The following HMGA1 variants were observed in gnomAD, a reference collection of about 807,000 sequenced individuals.
The protein encoded by HMGA1 is high mobility group protein HMG-I/HMG-Y.
Under a neutral mutation model 15.1 loss-of-function variants are expected in HMGA1, and 1 was observed. That is an observed-to-expected ratio of 0.07 (90% CI 0.02 to 0.31). HMGA1 has a LOEUF of 0.31. HMGA1 is among the 10% of genes least tolerant of loss of function. The pLI is 1.00. For missense variants in HMGA1, 94 were observed against 141.4 expected, an observed-to-expected ratio of 0.66 and a Z score of 1.70; for synonymous variants, 56 against 54.8, an observed-to-expected ratio of 1.02 and a Z score of -0.10.
chr6:34,242,936 G>A, intron 4 of HMGA1, 141 bp downstream of exon 4: 3 of 710,200 alleles, frequency 4.2e-6, no homozygotes, highest in Non-Finnish European at 7.7e-6. Flanking sequence ...TACAGGGATG[G>A]CAGTGAGTCT....
Position 34,242,478 on chromosome 6 carries a change from C to T in HMGA1, c.136-234C>T, listed in dbSNP as rs920703908. ...ATGCCTTTCCTAGGGGTCTTCTGGG[C>T]TCTTGTCATTTTGCATCTTAGAAAC... is the stretch of plus-strand genomic sequence containing the variant. On this transcript the variant is annotated intron_variant, in intron 3 of 5. Coordinates refer to ENST00000311487, the MANE Select transcript of HMGA1 (RefSeq NM_145899.3). Among the ~76,000 whole-genome samples, 5 of 152,168 alleles carry T rather than the reference C, an allele frequency of 3.3e-5. No homozygotes were observed. In the South Asian group the frequency reaches 1.0e-3, roughly 32 times the overall value.
chr6:34,243,839 C>T lies in HMGA1; in HGVS notation c.270+321C>T, dbSNP rs564425680. Among the ~76,000 whole-genome samples the T allele has an allele frequency of 8.1e-4, 123 of 152,214 alleles. 4 individuals carry two copies. Among genetic ancestry groups the T allele is most frequent in the Non-Finnish European group, 3.2e-4 (22 of 67,994 alleles). On this transcript the variant is annotated intron_variant, in intron 5 of 5. Transcript: ENST00000311487. ...CTTGGAAGTCATCTAGCCTGTGTCC[C>T]CCTCAATTAGAGATGAGGAAAGGAA...
At chr6:34,240,389 C>G (rs765413225) in intron 2 of HMGA1, among the ~76,000 whole-genome samples, 28 of 152,186 alleles carry the variant, frequency 1.8e-4, no homozygotes, top group Admixed American at 4.6e-4. Flanking sequence ...TCAGATCTCA[C>G]CTCCCCACAC....
At chr6:34,240,999 T>G in intron 3 of HMGA1, 84 bp downstream of exon 3, 4 of 1,479,994 alleles carry the variant, frequency 2.7e-6, no homozygotes, top group Non-Finnish European at 3.8e-6. Flanking sequence ...GGCGAGACCA[T>G]GCATGGAGGG....
At chr6:34,244,142 C>G (rs528778519) in intron 5 of HMGA1, among the ~76,000 whole-genome samples, 2 of 146,548 alleles carry the variant, frequency 1.4e-5, no homozygotes, top group East Asian at 4.5e-4. Context: ...ATCCCTGAAG[C>G]TGTCATTCCT....
At chr6:34,242,054 C>T (rs114476612) in intron 3 of HMGA1, among the ~76,000 whole-genome samples, 4,134 of 152,322 alleles carry the variant, frequency 0.027, 80 homozygotes, top group Non-Finnish European at 0.042. Flanking sequence ...CCCTAGGAAA[C>T]AGTAGCTGGC....
At chr6:34,244,716 T>A (rs2127547614) in intron 5 of HMGA1, 115 bp from the exon 6 acceptor site, 2 of 835,816 alleles carry the variant, frequency 2.4e-6, no homozygotes, top group East Asian at 5.3e-5. Flanking sequence ...CACTCAGCCC[T>A]GACTCATCCC....
chr6:34,241,579 A>T (rs146556933), intron 3 of HMGA1, among the ~76,000 whole-genome samples: 1 of 152,206 alleles, frequency 6.6e-6, no homozygotes, highest in Non-Finnish European at 1.5e-5. Context: ...CTCTCCCCAC[A>T]AAGTCCTCAT....
intron 4 of HMGA1, among the ~76,000 whole-genome samples, chr6:34,243,243 T>C (rs1416503382): frequency 6.6e-6 from 1 of 152,034 alleles, no homozygotes; most frequent in Non-Finnish European, 1.5e-5. Flanking sequence ...ACACGACTCA[T>C]ATCCTCTGAG....
intron 2 of HMGA1, among the ~76,000 whole-genome samples, chr6:34,238,578 A>G (rs1260954008): frequency 6.6e-6 from 1 of 152,202 alleles, no homozygotes. Flanking sequence ...TGAGGAGCAC[A>G]GTTTGCATGC....
In HMGA1 at chr6:34,242,824, G is replaced by A. The variant is rs991541633; in HGVS notation, c.219+29G>A. On this transcript the variant is annotated intron_variant, in intron 4 of 5. Transcript: ENST00000311487. ...AGACTTGAGATGGGACTACCCCTGGGTGGATGACTAGCAGAGGATCCTCTT... is the reference window on the plus strand; with the variant it reads ...AGACTTGAGATGGGACTACCCCTGGATGGATGACTAGCAGAGGATCCTCTT... 6.0e-6 allele frequency: 9 copies of A among 1,510,040 alleles called. No homozygotes were observed. The African/African-American group carries it at 9.7e-5, about 16-fold the overall frequency. 93.5% of individuals were successfully genotyped at this position (1,510,040 alleles called of 1,614,324 possible). A position where few individuals can be genotyped will look rare whatever the true frequency, so the allele number is the denominator to read the frequency against.
chr6:34,244,947 C>A lies in HMGA1; in HGVS notation c.*63C>A. The A allele has an allele frequency of 6.5e-7, 1 of 1,547,836 alleles. No individual in the cohort carries two copies. Among genetic ancestry groups the A allele is most frequent in the Non-Finnish European group, 8.7e-7 (1 of 1,145,612 alleles). On this transcript the variant is annotated 3_prime_UTR_variant, in exon 6 of 6. Transcript: ENST00000311487. The stretch of plus-strand genomic sequence containing the variant: ...TTCCTTCTGGGACTGGACAGCTTTG[C>A]TCCGCTCCCACCGCCCCCACCCCTT...
Position 34,245,483 on chromosome 6 carries a change from C to T in HMGA1, c.*599C>T. 3.6e-6 allele frequency: 5 copies of T among 1,381,266 alleles called. No individual in the cohort carries two copies. The highest frequency in any genetic ancestry group is 1.2e-5 in the South Asian group (1 of 81,714). 85.6% of individuals were successfully genotyped at this position (1,381,266 alleles called of 1,614,324 possible). A position where few individuals can be genotyped will look rare whatever the true frequency, so the allele number is the denominator to read the frequency against. ...TCACTTTTCATCCTTCCCCAACTTC[C>T]CTAGTCCCCGTACTAGGTTGGACAG... On this transcript the variant is annotated 3_prime_UTR_variant, in exon 6 of 6. Transcript: ENST00000311487.
At chr6:34,238,054 C>G (rs889065486) in intron 2 of HMGA1, among the ~76,000 whole-genome samples, 1 of 152,144 alleles carries the variant, frequency 6.6e-6, no homozygotes, top group Non-Finnish European at 1.5e-5. Context: ...TTATTTTCTT[C>G]TGGGGCTTTA....
Position 34,244,773 on chromosome 6 carries a change from T to G in HMGA1, c.271-58T>G, listed in dbSNP as rs527473054. On this transcript the variant is annotated intron_variant, in intron 5 of 5. Coordinates refer to ENST00000311487, the MANE Select transcript of HMGA1 (RefSeq NM_145899.3). ...GCAGGGAGCGGGTGGGGCCAGCCTC[T>G]GGGGGTGGAAGAGGGGGACCGGGCC... 92 of 1,454,802 alleles carry G rather than the reference T, an allele frequency of 6.3e-5. No homozygotes were observed. In the Admixed American group the frequency reaches 8.6e-4, roughly 14 times the overall value. 90.1% of individuals were successfully genotyped at this position (1,454,802 alleles called of 1,614,324 possible).
rs1283978364 is a variant in HMGA1 at position 34,245,162 on chromosome 6, G to A, written c.*278G>A. 6.8e-7 allele frequency: 1 copy of A among 1,462,982 alleles called. No individual in the cohort carries two copies. The highest frequency in any genetic ancestry group is 1.2e-5 in the South Asian group (1 of 82,486). The allele number at this position is 1,462,982 out of a possible 1,614,324, so 90.6% of individuals were successfully genotyped here. A position where few individuals can be genotyped will look rare whatever the true frequency, so the allele number is the denominator to read the frequency against. On this transcript the variant is annotated 3_prime_UTR_variant, in exon 6 of 6. Coordinates refer to ENST00000311487, the MANE Select transcript of HMGA1 (RefSeq NM_145899.3). ...CATACACACATGCCCTCCTGGACAA[G>A]GCTAACATCCCACTTAGCCGCACCC...
chr6:34,242,667 G>T, intron 3 of HMGA1, 45 bp from the exon 4 acceptor site: 1 of 1,371,160 alleles, frequency 7.3e-7, no homozygotes, highest in South Asian at 1.2e-5. Context: ...TGAGGGGGTG[G>T]AAACAGGTGA....
Position 34,240,776 on chromosome 6 carries a change from G to A in HMGA1, c.-5G>A, listed in dbSNP as rs775354676. On this transcript the variant is annotated 5_prime_UTR_variant, in exon 3 of 6. Transcript: ENST00000311487. ...CTCTTCCACCTGCTCCTTAGAGAAG[G>A]GAAGATGAGTGAGTCGAGCTCGAAG... The A allele has an allele frequency of 3.7e-6, 6 of 1,612,240 alleles. 1 individual carries two copies. The highest frequency in any genetic ancestry group is 3.3e-5 in the Admixed American group (2 of 59,986).
chr6:34,242,939 G>A (rs1762418860), intron 4 of HMGA1, 144 bp downstream of exon 4: 1 of 706,282 alleles, frequency 1.4e-6, no homozygotes, highest in East Asian at 2.8e-5. Context: ...AGGGATGGCA[G>A]TGAGTCTTTG....
Sources: allele counts gnomAD v4.1 joint callset (sites outside exome capture counted in the v4.1 genomes callset), GRCh38; gene constraint gnomAD v4.1.1; transcripts MANE v1.5; gene names NCBI Gene and HGNC (gene_info 2026-07-23, HGNC 2026-07-21).